CLEC16A: variants seen among roughly 807,000 people sequenced by gnomAD.
The protein encoded by CLEC16A is C-type lectin domain containing 16A.
Under a neutral mutation model 109.5 loss-of-function variants are expected in CLEC16A, and 51 were observed. That is an observed-to-expected ratio of 0.47 (90% CI 0.37 to 0.59). The LOEUF is 0.59. Ranked by LOEUF, CLEC16A falls within the 20% of genes least tolerant of loss-of-function variation. The pLI is 0.00. For synonymous variants in CLEC16A, 673 were observed against 564.2 expected (o/e 1.19, Z -2.73); for missense variants, 1,339 against 1,394.0 (o/e 0.96, Z 0.63).
chr16:11,094,543 C>T (rs1450046259), intron 19 of CLEC16A, among the ~76,000 whole-genome samples: 1 of 152,226 alleles, frequency 6.6e-6, no homozygotes, highest in South Asian at 2.1e-4. Context: ...ACAGGCACCA[C>T]CTCCCCCCCT....
intron 1 of CLEC16A, among the ~76,000 whole-genome samples, chr16:10,945,153 G>C (rs960356634): frequency 6.6e-6 from 1 of 152,162 alleles, no homozygotes; most frequent in Non-Finnish European, 1.5e-5. Context: ...AGGGTCAAAG[G>C]CCTGGGTCCT....
At chr16:11,136,162 C>CG (rs1277278000) in intron 22 of CLEC16A, 1 of 152,244 alleles carries the variant, frequency 6.6e-6, no homozygotes, top group Non-Finnish European at 1.5e-5. Context: ...TCCACCTCCA[C>CG]GGGAAAATTG....
chr16:11,004,189 C>T (rs1464911627), intron 11 of CLEC16A, among the ~76,000 whole-genome samples: 2 of 152,090 alleles, frequency 1.3e-5, no homozygotes, highest in Admixed American at 1.3e-4. Flanking sequence ...CGTTGAGATG[C>T]TAAAACCTTC....
chr16:11,053,458 C>T (rs184077059), intron 18 of CLEC16A, among the ~76,000 whole-genome samples: 22 of 151,862 alleles, frequency 1.4e-4, no homozygotes, highest in Middle Eastern at 3.4e-3. Context: ...ACACACTCTG[C>T]CCCCTGGGGT....
At chr16:10,983,187 A>T (rs1306644883) in intron 10 of CLEC16A, among the ~76,000 whole-genome samples, 196 bp downstream of exon 10, 1 of 152,152 alleles carries the variant, frequency 6.6e-6, no homozygotes, top group Non-Finnish European at 1.5e-5. Context: ...GACCACCTGG[A>T]TTTGATTGAT....
intron 23 of CLEC16A, among the ~76,000 whole-genome samples, chr16:11,167,205 C>G (rs1441841728): frequency 1.3e-5 from 2 of 152,162 alleles, no homozygotes; most frequent in Admixed American, 1.3e-4. Flanking sequence ...AGTACAGACA[C>G]CAGGCCTCTG....
At chr16:10,983,197 T>C (rs1234875838) in intron 10 of CLEC16A, among the ~76,000 whole-genome samples, 3 of 152,184 alleles carry the variant, frequency 2.0e-5, no homozygotes, top group African/African-American at 4.8e-5. Context: ...ATTTGATTGA[T>C]TGTGTGTTCT....
intron 19 of CLEC16A, among the ~76,000 whole-genome samples, chr16:11,117,833 T>C (rs1172090606): frequency 6.6e-6 from 1 of 152,196 alleles, no homozygotes; most frequent in Admixed American, 6.5e-5. Flanking sequence ...CGGACTGAGC[T>C]CTCTTGTTTA....
intron 13 of CLEC16A, chr16:11,027,383 T>C (rs1189724666): frequency 2.1e-6 from 3 of 1,404,712 alleles, no homozygotes; most frequent in Admixed American, 1.7e-5. Flanking sequence ...GTGGTGTCTT[T>C]GTAAAAGTCA....
chr16:11,071,516 C>A (rs1465859240), intron 19 of CLEC16A, among the ~76,000 whole-genome samples: 1 of 151,660 alleles, frequency 6.6e-6, no homozygotes, highest in Non-Finnish European at 1.5e-5. Context: ...GGAAAAGTAG[C>A]CTTAAAGGAC....
intron 10 of CLEC16A, among the ~76,000 whole-genome samples, chr16:10,999,585 A>G (rs1182439850): frequency 6.6e-6 from 1 of 152,164 alleles, no homozygotes. Context: ...CAACTCCCCT[A>G]TCAATGGACA....
intron 19 of CLEC16A, among the ~76,000 whole-genome samples, chr16:11,092,603 TTTCC>T (rs2050377895): frequency 6.6e-6 from 1 of 152,212 alleles, no homozygotes; most frequent in South Asian, 2.1e-4. Context: ...ATTTCCAGCA[TTTCC>T]TTGAACGTTT....
intron 22 of CLEC16A, among the ~76,000 whole-genome samples, chr16:11,135,045 C>T (rs1365163805): frequency 1.3e-5 from 2 of 152,260 alleles, no homozygotes; most frequent in African/African-American, 4.8e-5. Flanking sequence ...CTCGTTCCTG[C>T]ACAGGTTTGT....
intron 14 of CLEC16A, chr16:11,041,254 AT>A (rs1313320581): frequency 1.3e-5 from 2 of 152,246 alleles, no homozygotes; most frequent in Non-Finnish European, 2.9e-5. Flanking sequence ...CAGGACCTAT[AT>A]AAAGTGTTCG....
chr16:11,157,294 G>A lies in CLEC16A; in HGVS notation c.2642-9094G>A, dbSNP rs765519560. Reference sequence around the variant, plus strand: ...CATGGTGGCAGCTCAGGCTTGGCCCGGGAGGCCATACGAACATCCCTTCCC... The same window carrying A: ...CATGGTGGCAGCTCAGGCTTGGCCCAGGAGGCCATACGAACATCCCTTCCC... On this transcript the variant is annotated intron_variant, in intron 22 of 23. Coordinates refer to ENST00000409790, the MANE Select transcript of CLEC16A (RefSeq NM_015226.3). 4.5e-5 allele frequency: 51 copies of A among 1,125,270 alleles called. No homozygotes were observed. The African/African-American group carries it at 5.2e-4, about 12-fold the overall frequency. The allele number at this position is 1,125,270 out of a possible 1,614,324, so 69.7% of individuals were successfully genotyped here.
At chr16:10,973,186 C>T in intron 7 of CLEC16A, 125 bp downstream of exon 7, 1 of 1,082,924 alleles carries the variant, frequency 9.2e-7, no homozygotes, top group Non-Finnish European at 1.3e-6. Context: ...AGAGCATGGA[C>T]TTCCGTACTG....
intron 11 of CLEC16A, among the ~76,000 whole-genome samples, chr16:11,015,556 C>G (rs1018058567): frequency 6.6e-6 from 1 of 152,208 alleles, no homozygotes; most frequent in African/African-American, 2.4e-5. Flanking sequence ...GCCCACCACC[C>G]TTTCCTGGAG....
chr16:11,022,208 G>A (rs971544525), intron 12 of CLEC16A, among the ~76,000 whole-genome samples: 43 of 152,148 alleles, frequency 2.8e-4, no homozygotes, highest in African/African-American at 1.0e-3. Flanking sequence ...TTAGAGACTG[G>A]CCCAGGTGGA....
rs572053175 is a variant in CLEC16A, at chr16:11,110,110, G to A, written c.2117-10505G>A. Among the ~76,000 whole-genome samples the A allele has an allele frequency of 2.6e-3, 389 of 152,300 alleles. 2 individuals carry two copies. Among genetic ancestry groups the A allele is most frequent in the South Asian group, 2.3e-3 (11 of 4,824 alleles). On this transcript the variant is annotated intron_variant, in intron 19 of 23. Coordinates refer to ENST00000409790, the MANE Select transcript of CLEC16A (RefSeq NM_015226.3). ...CCTGTCAGAGGGGGCTGTAGGGGAA[G>A]GCTTCAGCCCAGGAGCTAAAAGAAC...
Sources: gnomAD v4.1 joint callset for allele counts (sites outside exome capture counted in the v4.1 genomes callset) on GRCh38, gnomAD v4.1.1 for gene constraint, MANE v1.5 for transcripts, NCBI Gene and HGNC (gene_info 2026-07-23, HGNC 2026-07-21) for gene names.